FANCB: variants seen among roughly 807,000 people sequenced by gnomAD.
FANCB encodes FA complementation group B.
FANCB carries 5 observed loss-of-function variants against 38.9 expected under a neutral mutation model. The observed-to-expected ratio is 0.13, with a 90% CI of 0.07 to 0.27. FANCB has a LOEUF of 0.27. Ranked by LOEUF, FANCB falls within the 10% of genes least tolerant of loss-of-function variation. The pLI is 1.00. For synonymous variants in FANCB, 236 were observed against 215.4 expected (o/e 1.10, Z -0.84); for missense variants, 573 against 602.7 (o/e 0.95, Z 0.52).
At chrX:14,859,560 A>G (rs1365088559) in intron 3 of FANCB, among the ~76,000 whole-genome samples, 1 of 112,034 alleles carries the variant, frequency 8.9e-6, no homozygotes, top group East Asian at 2.8e-4. Context: ...TTAATATTTT[A>G]TTCAGGTTTG....
chrX:14,792,682 G>T, the FANCB span, among the ~76,000 whole-genome samples: 1 of 111,702 alleles, frequency 9.0e-6, no homozygotes, highest in South Asian at 3.7e-4. Context: ...TGTAGGAGAA[G>T]AAATGTAAAG....
At chrX:14,723,566 A>C in the FANCB span, among the ~76,000 whole-genome samples, 1 of 111,768 alleles carries the variant, frequency 8.9e-6, no homozygotes, top group Non-Finnish European at 1.9e-5. Context: ...TTGGTTCTCA[A>C]AATAAAGCTT....
chrX:14,797,820 T>C, the FANCB span, among the ~76,000 whole-genome samples: 1 of 111,275 alleles, frequency 9.0e-6, no homozygotes, highest in Admixed American at 9.5e-5. Context: ...TAAAACCACA[T>C]CTCGGGAGCT....
At chrX:14,824,838 T>C in the FANCB span, among the ~76,000 whole-genome samples, 1 of 112,477 alleles carries the variant, frequency 8.9e-6, no homozygotes, top group African/African-American at 3.2e-5. Context: ...TATATTTACA[T>C]ACTACATGTA....
At chrX:14,777,911 A>G in the FANCB span, among the ~76,000 whole-genome samples, 1 of 111,879 alleles carries the variant, frequency 8.9e-6, no homozygotes, top group African/African-American at 3.3e-5. Context: ...TTGTTATAAG[A>G]TATATGTGAG....
At chrX:14,807,235 T>G in the FANCB span, among the ~76,000 whole-genome samples, 1 of 112,038 alleles carries the variant, frequency 8.9e-6, no homozygotes, top group African/African-American at 3.2e-5. Context: ...TTCCAAAGCC[T>G]AAAAAAAATT....
chrX:14,781,563 C>A, the FANCB span, among the ~76,000 whole-genome samples: 2 of 111,886 alleles, frequency 1.8e-5, no homozygotes, highest in Non-Finnish European at 3.8e-5. Flanking sequence ...ACAGTCCCTT[C>A]ACTTCAGGTT....
chrX:14,757,382 G>A, the FANCB span, among the ~76,000 whole-genome samples: 1 of 111,897 alleles, frequency 8.9e-6, no homozygotes. Flanking sequence ...GCAGTGTGTG[G>A]AGACTCACAT....
downstream of FANCB, among the ~76,000 whole-genome samples, chrX:14,840,455 G>A (rs1395030589): frequency 9.0e-6 from 1 of 111,272 alleles, no homozygotes; most frequent in African/African-American, 3.3e-5. Context: ...GCACTAACTG[G>A]CTTAGATTAG....
At chrX:14,787,875 G>GA in the FANCB span, among the ~76,000 whole-genome samples, 1 of 34,969 alleles carries the variant, frequency 2.9e-5, no homozygotes, top group Admixed American at 4.7e-4. Flanking sequence ...TTTAAAAATA[G>GA]AATATATATA....
the FANCB span, among the ~76,000 whole-genome samples, chrX:14,739,132 T>A: frequency 2.7e-5 from 3 of 111,810 alleles, no homozygotes; most frequent in African/African-American, 6.5e-5. Context: ...CAATTTAGGG[T>A]TTTTTAAGTA....
At chrX:14,798,834 G>A in the FANCB span, among the ~76,000 whole-genome samples, 897 of 111,703 alleles carry the variant, frequency 8.0e-3, 6 homozygotes, top group Middle Eastern at 0.014. Flanking sequence ...TTGTAGATAT[G>A]ATTAAGAGAA....
chrX:14,809,049 T>C, the FANCB span, among the ~76,000 whole-genome samples: 3 of 112,120 alleles, frequency 2.7e-5, no homozygotes, highest in East Asian at 8.4e-4. Flanking sequence ...CACCAAAAAA[T>C]GGAAAAATAT....
At position 14,857,956 on chromosome X, in the gene FANCB, T is replaced by TAATA. The variant is rs398123537; in HGVS notation, c.1105-6_1105-3dup. 2,761 of 1,065,970 alleles carry TAATA rather than the reference T, an allele frequency of 2.6e-3. 25 individuals carry two copies. In the African/African-American group the frequency reaches 0.027, roughly 10 times the overall value. 87.8% of individuals were successfully genotyped at this position (1,065,970 alleles called of 1,213,427 possible). A position where few individuals can be genotyped will look rare whatever the true frequency, so the allele number is the denominator to read the frequency against. On this transcript the variant is annotated splice_polypyrimidine_tract_variant and splice_region_variant and intron_variant, in intron 4 of 9. Coordinates refer to ENST00000650831, the MANE Select transcript of FANCB (RefSeq NM_001018113.3). ...TTCATTGCAATCTGATGGTTCACTC[T>TAATA]AATAAATAAATAAATAAATAAATAC...
At chrX:14,847,480 CAT>C (rs892811684) in intron 7 of FANCB, among the ~76,000 whole-genome samples, 14 of 110,174 alleles carry the variant, frequency 1.3e-4, no homozygotes, top group African/African-American at 4.6e-4. Context: ...GATGTTGAGA[CAT>C]AGAGTATGGA....
chrX:14,811,557 A>G, the FANCB span, among the ~76,000 whole-genome samples: 2 of 111,564 alleles, frequency 1.8e-5, no homozygotes, highest in Non-Finnish European at 3.8e-5. Context: ...ACAAAGATCA[A>G]AAGAGACAAA....
the FANCB span, among the ~76,000 whole-genome samples, chrX:14,813,398 A>T: frequency 9.0e-6 from 1 of 111,083 alleles, no homozygotes; most frequent in Non-Finnish European, 1.9e-5. Flanking sequence ...AGATGACATG[A>T]TTGTATATCT....
the FANCB span, among the ~76,000 whole-genome samples, chrX:14,692,911 C>T: frequency 9.0e-6 from 1 of 110,993 alleles, no homozygotes; most frequent in Non-Finnish European, 1.9e-5. Flanking sequence ...AAAAGTATAA[C>T]TAGCAAACAA....
downstream of FANCB, chrX:14,834,455 T>C: frequency 2.1e-6 from 1 of 472,518 alleles, no homozygotes; most frequent in Non-Finnish European, 3.9e-6. Context: ...TTTAATAAAT[T>C]GTTTAAACTA....
Sources: gnomAD v4.1 joint callset for allele counts (sites outside exome capture counted in the v4.1 genomes callset) on GRCh38, gnomAD v4.1.1 for gene constraint, MANE v1.5 for transcripts, NCBI Gene and HGNC (gene_info 2026-07-23, HGNC 2026-07-21) for gene names.